PPARGC1A: variants seen among roughly 807,000 people sequenced by gnomAD.
The protein encoded by PPARGC1A is PPARG coactivator 1 alpha.
In PPARGC1A, 25 loss-of-function variants were observed where a neutral mutation model predicts 88.7. The ratio of observed to expected loss-of-function variants is 0.28; its 90% CI spans 0.21 to 0.39. The LOEUF (loss-of-function observed/expected upper bound fraction) is 0.39. Ranked by LOEUF, PPARGC1A falls within the 10% of genes least tolerant of loss-of-function variation. PPARGC1A has a pLI of 1.00. For missense variants in PPARGC1A, 880 were observed against 968.7 expected (o/e 0.91, Z 1.22); for synonymous variants, 363 against 355.6 (o/e 1.02, Z -0.24).
At chr4:24,159,431 G>A in the PPARGC1A span, among the ~76,000 whole-genome samples, 1 of 151,916 alleles carries the variant, frequency 6.6e-6, no homozygotes, top group African/African-American at 2.4e-5. Flanking sequence ...GGCTGGTCTC[G>A]AACTCCTGAC....
At chr4:23,914,596 G>T in the PPARGC1A span, among the ~76,000 whole-genome samples, 3 of 152,174 alleles carry the variant, frequency 2.0e-5, no homozygotes, top group Non-Finnish European at 4.4e-5. Context: ...TGTTGAGAAT[G>T]TTTTGTCCCA....
At chr4:23,963,737 C>T in the PPARGC1A span, among the ~76,000 whole-genome samples, 8 of 152,156 alleles carry the variant, frequency 5.3e-5, no homozygotes, top group African/African-American at 1.7e-4. Context: ...TCCTGCTAAC[C>T]GCATAATTGC....
chr4:24,068,695 T>C, the PPARGC1A span, among the ~76,000 whole-genome samples: 1 of 152,184 alleles, frequency 6.6e-6, no homozygotes, highest in Non-Finnish European at 1.5e-5. Flanking sequence ...GGAAAAGGTA[T>C]GCAGTAATGT....
chr4:23,832,118 T>G (rs1016197750), intron 2 of PPARGC1A, among the ~76,000 whole-genome samples: 20 of 152,162 alleles, frequency 1.3e-4, no homozygotes, highest in African/African-American at 4.6e-4. Context: ...TGAGAGAATT[T>G]TAACCATCAA....
the PPARGC1A span, among the ~76,000 whole-genome samples, chr4:24,056,488 G>A: frequency 6.6e-6 from 1 of 152,132 alleles, no homozygotes; most frequent in Non-Finnish European, 1.5e-5. Flanking sequence ...CCCTAAGAAG[G>A]CATGTGGCAA....
At chr4:24,289,944 C>T in the PPARGC1A span, among the ~76,000 whole-genome samples, 1 of 152,142 alleles carries the variant, frequency 6.6e-6, no homozygotes, top group East Asian at 1.9e-4. Flanking sequence ...GGGGGCCTCC[C>T]AATCATGGAG....
chr4:23,950,687 G>A, the PPARGC1A span, among the ~76,000 whole-genome samples: 2 of 152,146 alleles, frequency 1.3e-5, no homozygotes, highest in African/African-American at 4.8e-5. Flanking sequence ...AATGGACATT[G>A]TTATTACCAT....
the PPARGC1A span, among the ~76,000 whole-genome samples, chr4:24,066,544 G>A: frequency 2.0e-5 from 3 of 152,246 alleles, no homozygotes; most frequent in East Asian, 5.8e-4. Context: ...TATTAGTTAG[G>A]AGTCTGTTTC....
At chr4:24,042,544 T>G in the PPARGC1A span, among the ~76,000 whole-genome samples, 51 of 152,322 alleles carry the variant, frequency 3.3e-4, no homozygotes, top group African/African-American at 1.2e-3. Flanking sequence ...CTTAAGCCAC[T>G]GACAGCTTAA....
At chr4:24,339,221 T>C in the PPARGC1A span, among the ~76,000 whole-genome samples, 995 of 55,198 alleles carry the variant, frequency 0.018, 13 homozygotes, top group Middle Eastern at 0.074. Flanking sequence ...TGTATATATA[T>C]ATATATATAT....
At chr4:24,227,458 C>T in the PPARGC1A span, among the ~76,000 whole-genome samples, 2 of 151,960 alleles carry the variant, frequency 1.3e-5, no homozygotes, top group South Asian at 4.2e-4. Context: ...AGAATAACAC[C>T]AAGAAATCCA....
the PPARGC1A span, among the ~76,000 whole-genome samples, chr4:24,387,818 A>G: frequency 0.12 from 9,561 of 79,452 alleles, 782 homozygotes; most frequent in Non-Finnish European, 0.15. Flanking sequence ...GAAAGAAAGA[A>G]AGAAAGAGAG....
the PPARGC1A span, among the ~76,000 whole-genome samples, chr4:24,286,223 T>G: frequency 1.3e-5 from 2 of 152,090 alleles, no homozygotes; most frequent in African/African-American, 4.8e-5. Flanking sequence ...CTTAAAGTCA[T>G]GATATGGCTA....
chr4:24,263,442 C>T, the PPARGC1A span, among the ~76,000 whole-genome samples: 1 of 116,454 alleles, frequency 8.6e-6, no homozygotes, highest in African/African-American at 3.5e-5. Context: ...TATGTATACA[C>T]ACATGTGGGT....
chr4:24,457,139 GT>G, the PPARGC1A span, among the ~76,000 whole-genome samples: 2 of 152,200 alleles, frequency 1.3e-5, no homozygotes, highest in African/African-American at 4.8e-5. Context: ...GCAAAGGAAT[GT>G]TTTGGAAGCA....
At chr4:24,033,829 G>A in the PPARGC1A span, among the ~76,000 whole-genome samples, 8 of 152,288 alleles carry the variant, frequency 5.3e-5, no homozygotes, top group South Asian at 8.3e-4. Flanking sequence ...GAAGAGAGGC[G>A]GGCTGCGTGG....
the PPARGC1A span, among the ~76,000 whole-genome samples, chr4:24,107,901 G>A: frequency 4.6e-5 from 7 of 152,310 alleles, no homozygotes; most frequent in South Asian, 6.2e-4. Context: ...AGAGATTAAA[G>A]AGGATGAAAA....
chr4:23,910,411 CTATA>C, the PPARGC1A span, among the ~76,000 whole-genome samples: 1 of 102,092 alleles, frequency 9.8e-6, no homozygotes, highest in South Asian at 2.6e-4. Flanking sequence ...TATATTAACC[CTATA>C]TATATTATTA....
chr4:23,943,717 G>A, the PPARGC1A span, among the ~76,000 whole-genome samples: 2 of 152,256 alleles, frequency 1.3e-5, no homozygotes, highest in South Asian at 4.1e-4. Context: ...ACTGTGCAGT[G>A]GAGAACCCTG....
Sources: allele counts gnomAD v4.1 joint callset (sites outside exome capture counted in the v4.1 genomes callset), GRCh38; gene constraint gnomAD v4.1.1; transcripts MANE v1.5; gene names NCBI Gene and HGNC (gene_info 2026-07-23, HGNC 2026-07-21).